The following ZNF292 variants were observed in gnomAD, a reference collection of about 807,000 sequenced individuals.
ZNF292 encodes the protein 16 zinc-finger domain protein.
ZNF292 carries 26 observed loss-of-function variants against 217.9 expected under a neutral mutation model. The ratio of observed to expected loss-of-function variants is 0.12; its 90% CI spans 0.09 to 0.17. ZNF292 has a LOEUF of 0.17. ZNF292 is among the 10% of genes least tolerant of loss of function. The pLI is 1.00. For missense variants in ZNF292, 2,904 were observed against 3,175.2 expected (o/e 0.91, Z 2.05); for synonymous variants, 1,257 against 1,124.1 (o/e 1.12, Z -2.37).
chr6:87,162,174 A>G (rs558202258), intron 1 of ZNF292, among the ~76,000 whole-genome samples: 3 of 152,304 alleles, frequency 2.0e-5, no homozygotes, highest in African/African-American at 7.2e-5. Flanking sequence ...CTGAGGAGGT[A>G]CTATTTGAGC....
At chr6:87,225,485 TTTTATAGTTTCACA>T (rs562095599) in intron 4 of ZNF292, among the ~76,000 whole-genome samples, 12 of 152,146 alleles carry the variant, frequency 7.9e-5, no homozygotes, top group Non-Finnish European at 1.0e-4. Flanking sequence ...TTTCTAGAAA[TTTTATAGTTTCACA>T]TTTTACATAT....
intron 1 of ZNF292, among the ~76,000 whole-genome samples, chr6:87,156,431 TA>T (rs1049839284): frequency 6.6e-6 from 1 of 152,240 alleles, no homozygotes; most frequent in Non-Finnish European, 1.5e-5. Flanking sequence ...ACTTCTGTGG[TA>T]AAGCTTTATC....
chr6:87,261,514 A>G lies in ZNF292; in HGVS notation c.7885A>G (p.Lys2629Glu). Reference protein sequence around the residue: ...NKKGSHSNSRKNIDKTAVTSG... With the variant: ...NKKGSHSNSRENIDKTAVTSG... ...AAAAGGATCCCATTCAAATTCAAGA[A>G]AAAATATTGATAAGACTGCTGTGAC... Residue 2629 changes from lysine to glutamate, a missense_variant, in exon 8 of 8, where the codon AAA becomes GAA. Physicochemically the swap from Lys to Glu is moderately conservative, Grantham distance 56. Coordinates refer to ENST00000369577, the MANE Select transcript of ZNF292 (RefSeq NM_015021.3). 6.2e-7 allele frequency: 1 copy of G among 1,607,354 alleles called. No individual in the cohort carries two copies. Among genetic ancestry groups the G allele is most frequent in the East Asian group, 2.2e-5 (1 of 44,698 alleles).
chr6:87,200,091 G>C (rs1225030914), intron 1 of ZNF292, among the ~76,000 whole-genome samples: 3 of 152,190 alleles, frequency 2.0e-5, no homozygotes, highest in South Asian at 4.1e-4. Context: ...TCCTGGGCTT[G>C]TAGGTCTCTG....
intron 4 of ZNF292, chr6:87,222,789 C>A (rs1393766326): frequency 2.2e-6 from 1 of 453,210 alleles, no homozygotes; most frequent in Non-Finnish European, 4.4e-6. Context: ...CAGGATACCA[C>A]ATTACATTTA....
At chr6:87,165,370 A>C (rs1217820022) in intron 1 of ZNF292, among the ~76,000 whole-genome samples, 1 of 152,174 alleles carries the variant, frequency 6.6e-6, no homozygotes. Flanking sequence ...CAGGTTGAGC[A>C]TTTCAAATCT....
intron 6 of ZNF292, among the ~76,000 whole-genome samples, chr6:87,245,237 G>GA (rs879919953): frequency 6.0e-4 from 87 of 145,994 alleles, no homozygotes; most frequent in African/African-American, 7.0e-4. Flanking sequence ...GACTGTCTCA[G>GA]AAAAAAAAAA....
intron 1 of ZNF292, among the ~76,000 whole-genome samples, chr6:87,200,631 T>C (rs561193617): frequency 6.6e-6 from 1 of 152,312 alleles, no homozygotes; most frequent in African/African-American, 2.4e-5. Flanking sequence ...AGAGAAATTA[T>C]GGGCCACACC....
At chr6:87,208,753 G>T (rs1772352387) in intron 1 of ZNF292, among the ~76,000 whole-genome samples, 2 of 152,132 alleles carry the variant, frequency 1.3e-5, no homozygotes, top group South Asian at 4.1e-4. Context: ...TCACAAATAA[G>T]GGGGTCTAGT....
chr6:87,254,260 A>G (rs1775085938), intron 7 of ZNF292, among the ~76,000 whole-genome samples: 1 of 152,244 alleles, frequency 6.6e-6, no homozygotes, highest in Non-Finnish European at 1.5e-5. Context: ...ATCATTTACT[A>G]TGTGCCAGAC....
chr6:87,240,423 A>AT (rs1218377251), intron 5 of ZNF292, among the ~76,000 whole-genome samples: 1 of 151,718 alleles, frequency 6.6e-6, no homozygotes, highest in Non-Finnish European at 1.5e-5. Context: ...CTGTTTTTTA[A>AT]TTTTTTATTT....
At position 87,255,533 on chromosome 6, in the gene ZNF292, T is replaced by C; in HGVS notation, c.1904T>C (p.Ile635Thr). 2 of 1,612,104 alleles carry C rather than the reference T, an allele frequency of 1.2e-6. No individual in the cohort carries two copies. The highest frequency in any genetic ancestry group is 1.7e-6 in the Non-Finnish European group (2 of 1,178,958). ...NTVAKQEQRP[I>T]KKNSLYSTDF... is the part of the protein sequence containing the mutation. ...GTGGCTAAACAGGAGCAGCGACCTA[T>C]AAAAAAGAATAGTCTCTATTCAACA... Residue 635 changes from isoleucine to threonine, a missense_variant, in exon 8 of 8, where the codon ATA becomes ACA. Physicochemically the swap from Ile to Thr is moderately conservative, Grantham distance 89 (BLOSUM62 -1). Coordinates refer to ENST00000369577, the MANE Select transcript of ZNF292 (RefSeq NM_015021.3).
intron 1 of ZNF292, among the ~76,000 whole-genome samples, chr6:87,201,738 T>C (rs932818379): frequency 6.6e-6 from 1 of 152,196 alleles, no homozygotes; most frequent in Admixed American, 6.5e-5. Context: ...CTTTTCACAT[T>C]CAGTTACTTG....
intron 1 of ZNF292, among the ~76,000 whole-genome samples, chr6:87,204,594 G>T (rs535072123): frequency 8.9e-4 from 90 of 101,214 alleles, no homozygotes; most frequent in African/African-American, 3.6e-3. Context: ...ACTAAGTCTC[G>T]CTCTTATCGC....
Position 87,258,571 on chromosome 6 carries a change from G to A in ZNF292, c.4942G>A (p.Val1648Ile), listed in dbSNP as rs116110217. 1.1e-3 allele frequency: 1,695 copies of A among 1,613,706 alleles called. 13 individuals carry two copies. In the African/African-American group the frequency reaches 0.02, roughly 19 times the overall value. The change falls in exon 8 of 8, where the codon GTA becomes ATA. Residue 1648 changes from valine (V) to isoleucine (I), a missense_variant. By Grantham distance (29) the Val-to-Ile change is conservative (BLOSUM62 3). Coordinates refer to ENST00000369577, the MANE Select transcript of ZNF292 (RefSeq NM_015021.3). ...LIAPNASQNL[V>I]TSDLTTMGLI... is the part of the protein sequence containing the mutation. ...TGCACCTAACGCTTCCCAAAACTTGGTAACAAGTGACTTAACAACAATGGG... is the reference window on the plus strand; with the variant it reads ...TGCACCTAACGCTTCCCAAAACTTGATAACAAGTGACTTAACAACAATGGG...
chr6:87,235,078 AT>A (rs72393886), intron 5 of ZNF292, among the ~76,000 whole-genome samples: 2,077 of 152,048 alleles, frequency 0.014, 56 homozygotes, highest in African/African-American at 0.046. Flanking sequence ...TAGTCTATAG[AT>A]TTTTTTCTTT....
At chr6:87,253,989 A>G (rs749071768) in intron 7 of ZNF292, among the ~76,000 whole-genome samples, 2 of 152,348 alleles carry the variant, frequency 1.3e-5, no homozygotes, top group African/African-American at 4.8e-5. Flanking sequence ...TTGTTGGGCT[A>G]TGTCTACCCC....
intron 7 of ZNF292, among the ~76,000 whole-genome samples, chr6:87,251,182 A>G (rs1173129941): frequency 6.6e-6 from 1 of 152,200 alleles, no homozygotes; most frequent in Non-Finnish European, 1.5e-5. Flanking sequence ...GGAAAGATAA[A>G]AGAGGAAACT....
chr6:87,213,328 CAGAA>C (rs1434947947), intron 1 of ZNF292, among the ~76,000 whole-genome samples: 1 of 152,194 alleles, frequency 6.6e-6, no homozygotes, highest in Non-Finnish European at 1.5e-5. Flanking sequence ...TTAATTTTCA[CAGAA>C]AGGCAATTTT....
Sources: allele counts gnomAD v4.1 joint callset (sites outside exome capture counted in the v4.1 genomes callset), GRCh38; gene constraint gnomAD v4.1.1; transcripts MANE v1.5; gene names NCBI Gene and HGNC (gene_info 2026-07-23, HGNC 2026-07-21).